ZDHHC13: variants seen among roughly 807,000 people sequenced by gnomAD.
ZDHHC13 encodes the protein zDHHC palmitoyltransferase 13, also known as palmitoyltransferase ZDHHC13.
In ZDHHC13, 85 loss-of-function variants were observed where a neutral mutation model predicts 86.0. The ratio of observed to expected loss-of-function variants is 0.99; its 90% CI spans 0.83 to 1.18. ZDHHC13 has a LOEUF of 1.18. ZDHHC13 is among the 50% of genes most tolerant of loss of function. The pLI, the probability that ZDHHC13 is intolerant of heterozygous loss-of-function variation, is 0.00. For missense variants in ZDHHC13, 711 were observed against 730.2 expected, an observed-to-expected ratio of 0.97 and a Z score of 0.30; for synonymous variants, 263 against 246.4, an observed-to-expected ratio of 1.07 and a Z score of -0.63.
At chr11:19,128,196 T>G (rs990782528) in intron 1 of ZDHHC13, among the ~76,000 whole-genome samples, 1 of 152,208 alleles carries the variant, frequency 6.6e-6, no homozygotes, top group African/African-American at 2.4e-5. Flanking sequence ...CCTAGGTGTT[T>G]TATTCTTTTT....
Position 19,163,405 on chromosome 11 carries a change from C to T in ZDHHC13, c.1211C>T (p.Ala404Val). ...GCAACTGATCCAGGCTTCACTAAGG[C>T]TTCTGAAGAAGAAAAGAAAGTGGTG... ...TWATDPGFTK[A>V]SEEEKKVNII... Residue 404 changes from alanine (A) to valine (V), a missense_variant, in exon 11 of 17, where the codon GCT becomes GTT. Coordinates refer to ENST00000446113, the MANE Select transcript of ZDHHC13 (RefSeq NM_019028.3). 1 of 1,598,562 alleles carries T rather than the reference C, an allele frequency of 6.3e-7. No individual in the cohort carries two copies. The highest frequency in any genetic ancestry group is 8.5e-7 in the Non-Finnish European group (1 of 1,174,646).
At chr11:19,139,734 A>C (rs1353582366) in intron 1 of ZDHHC13, among the ~76,000 whole-genome samples, 1 of 146,454 alleles carries the variant, frequency 6.8e-6, no homozygotes, top group Non-Finnish European at 1.5e-5. Context: ...TCAATGGAAC[A>C]GAACAGAGCC....
At chr11:19,151,323 T>C (rs1347950043) in intron 6 of ZDHHC13, among the ~76,000 whole-genome samples, 1 of 152,078 alleles carries the variant, frequency 6.6e-6, no homozygotes, top group Non-Finnish European at 1.5e-5. Flanking sequence ...TAATGACCAC[T>C]GTATAGTTCA....
In ZDHHC13 at chr11:19,147,030, T is replaced by C. The variant is rs1036054038; in HGVS notation, c.297-566T>C. ...TAATGAGACTAATTCCTATAAACCA[T>C]AGAAGAAAATCAGTCTTATTACCTT... On this transcript the variant is annotated intron_variant, in intron 3 of 16. Transcript: ENST00000446113. Among the ~76,000 whole-genome samples, 41 of 152,134 alleles carry C rather than the reference T, an allele frequency of 2.7e-4. 1 individual carries two copies. Among genetic ancestry groups the C allele is most frequent in the Non-Finnish European group, 4.4e-4 (30 of 67,992 alleles).
chr11:19,156,973 T>C (rs1396588814), intron 9 of ZDHHC13, among the ~76,000 whole-genome samples: 1 of 152,230 alleles, frequency 6.6e-6, no homozygotes, highest in African/African-American at 2.4e-5. Context: ...CCCCAGCGAC[T>C]TCCTCTCTTT....
chr11:19,141,466 TA>T (rs1485370001), intron 1 of ZDHHC13, among the ~76,000 whole-genome samples: 2 of 152,142 alleles, frequency 1.3e-5, no homozygotes, highest in African/African-American at 4.8e-5. Flanking sequence ...TCATTTGTGC[TA>T]AAGATTTTAA....
chr11:19,172,939 T>C (rs1196349491), intron 16 of ZDHHC13, 119 bp downstream of exon 16: 6 of 804,248 alleles, frequency 7.5e-6, no homozygotes, highest in Non-Finnish European at 1.1e-5. Flanking sequence ...TCTAGTACAG[T>C]TGACCCCCCT....
Position 19,166,316 on chromosome 11 carries a change from C to T in ZDHHC13, c.1405C>T (p.His469Tyr), listed in dbSNP as rs1292782389. Residue 469 changes from histidine to tyrosine, a missense_variant, in exon 14 of 17, where the codon CAC becomes TAC. Transcript: ENST00000446113. Reference protein sequence around the residue: ...TGRCIGFGNHHYYIFFLFFLS... With the variant: ...TGRCIGFGNHYYYIFFLFFLS... Reference sequence around the variant, plus strand: ...TTTTTCTTGAGGTTTTGGCAACCATCACTATTACATATTCTTCTTGTTTTT... The same window carrying T: ...TTTTTCTTGAGGTTTTGGCAACCATTACTATTACATATTCTTCTTGTTTTT... 1 of 1,609,882 alleles carries T rather than the reference C, an allele frequency of 6.2e-7. No homozygotes were observed. The highest frequency in any genetic ancestry group is 8.5e-7 in the Non-Finnish European group (1 of 1,178,912).
At chr11:19,161,278 G>C (rs1264676647) in intron 10 of ZDHHC13, among the ~76,000 whole-genome samples, 1 of 151,922 alleles carries the variant, frequency 6.6e-6, no homozygotes, top group Non-Finnish European at 1.5e-5. Flanking sequence ...TTTCAGACTA[G>C]TTATGCACCA....
intron 1 of ZDHHC13, among the ~76,000 whole-genome samples, chr11:19,140,079 C>G (rs1206596271): frequency 2.0e-5 from 3 of 149,386 alleles, no homozygotes; most frequent in Admixed American, 1.3e-4. Context: ...TCTAATTAAA[C>G]TAAAGAGCTT....
At chr11:19,146,078 G>T in intron 2 of ZDHHC13, 103 bp from the exon 3 acceptor site, 1 of 1,198,786 alleles carries the variant, frequency 8.3e-7, no homozygotes. Flanking sequence ...TGTATTGACT[G>T]AAAGGCAGTT....
At chr11:19,151,838 A>G (rs944476768) in intron 6 of ZDHHC13, among the ~76,000 whole-genome samples, 1 of 152,126 alleles carries the variant, frequency 6.6e-6, no homozygotes, top group Admixed American at 6.5e-5. Context: ...AATATTGGCT[A>G]AAGTTAAATC....
intron 8 of ZDHHC13, among the ~76,000 whole-genome samples, chr11:19,154,335 A>T (rs1849699514): frequency 6.6e-6 from 1 of 152,160 alleles, no homozygotes; most frequent in Admixed American, 6.5e-5. Flanking sequence ...TTTAATTCTT[A>T]TCTCTGTTCT....
intron 16 of ZDHHC13, 100 bp from the exon 17 acceptor site, chr11:19,175,722 A>G (rs1850345251): frequency 1.4e-6 from 2 of 1,395,502 alleles, no homozygotes; most frequent in East Asian, 2.4e-5. Flanking sequence ...TTTCTGCAAG[A>G]TGTTCAAAGG....
rs1204597926 is a variant in ZDHHC13, at chr11:19,176,152, G to A, written c.*192G>A. The stretch of plus-strand genomic sequence containing the variant: ...TAGGTTTAGAAAGATGGACTTTTCT[G>A]ATAAATCTTGGCAGACATCTAAAAA... On this transcript the variant is annotated 3_prime_UTR_variant, in exon 17 of 17. Coordinates refer to ENST00000446113, the MANE Select transcript of ZDHHC13 (RefSeq NM_019028.3). The A allele has an allele frequency of 6.8e-6, 3 of 441,906 alleles. No homozygotes were observed. The highest frequency in any genetic ancestry group is 6.1e-5 in the African/African-American group (3 of 48,914). 27.4% of individuals were successfully genotyped at this position (441,906 alleles called of 1,614,324 possible).
chr11:19,129,868 G>A (rs1848952270), intron 1 of ZDHHC13, among the ~76,000 whole-genome samples: 1 of 152,074 alleles, frequency 6.6e-6, no homozygotes, highest in African/African-American at 2.4e-5. Context: ...CGAGGCGGGT[G>A]GATCATGAGG....
At chr11:19,128,167 C>T (rs1032422881) in intron 1 of ZDHHC13, among the ~76,000 whole-genome samples, 1 of 152,046 alleles carries the variant, frequency 6.6e-6, no homozygotes, top group Non-Finnish European at 1.5e-5. Context: ...GGTCTTTCAC[C>T]TCCCTGATTA....
chr11:19,140,087 C>T (rs1245573001), intron 1 of ZDHHC13, among the ~76,000 whole-genome samples: 35 of 149,474 alleles, frequency 2.3e-4, no homozygotes, highest in African/African-American at 8.1e-4. Flanking sequence ...AACTAAAGAG[C>T]TTCTGCACAG....
intron 14 of ZDHHC13, chr11:19,168,064 C>T (rs1245686376): frequency 6.6e-6 from 1 of 152,240 alleles, no homozygotes; most frequent in African/African-American, 2.4e-5. Flanking sequence ...ATTCTCCTGC[C>T]TCAGCTTCCC....
Sources: allele counts gnomAD v4.1 joint callset (sites outside exome capture counted in the v4.1 genomes callset), GRCh38; gene constraint gnomAD v4.1.1; transcripts MANE v1.5; gene names NCBI Gene and HGNC (gene_info 2026-07-23, HGNC 2026-07-21).